The following FBXL7 variants were observed in gnomAD, a reference collection of about 807,000 sequenced individuals.
FBXL7 encodes the protein F-box and leucine rich repeat protein 7, also known as F-box/LRR-repeat protein 7.
A neutral mutation model predicts 38.3 loss-of-function variants in FBXL7; 12 were observed. The observed-to-expected ratio is 0.31, with a 90% CI of 0.20 to 0.51. The LOEUF (loss-of-function observed/expected upper bound fraction) is 0.51. Ranked by LOEUF, FBXL7 falls within the 20% of genes least tolerant of loss-of-function variation. The pLI is 0.98. For synonymous variants in FBXL7, 297 were observed against 300.9 expected (o/e 0.99, Z 0.13); for missense variants, 567 against 676.4 (o/e 0.84, Z 1.79).
intron 2 of FBXL7, among the ~76,000 whole-genome samples, chr5:15,813,561 C>T (rs1311628691): frequency 6.6e-6 from 1 of 151,994 alleles, no homozygotes; most frequent in Admixed American, 6.6e-5. Context: ...GCAACAAAAG[C>T]CAAAATTGAC....
intron 2 of FBXL7, among the ~76,000 whole-genome samples, chr5:15,733,200 T>C (rs1433866725): frequency 6.6e-6 from 1 of 152,088 alleles, no homozygotes; most frequent in African/African-American, 2.4e-5. Flanking sequence ...TTCAATCAAT[T>C]ATCTGCCTCA....
intron 2 of FBXL7, among the ~76,000 whole-genome samples, chr5:15,846,063 G>A (rs1201780348): frequency 1.3e-5 from 2 of 152,258 alleles, no homozygotes; most frequent in Non-Finnish European, 2.9e-5. Context: ...ACTATGGTGT[G>A]TGGATATATC....
intron 2 of FBXL7, among the ~76,000 whole-genome samples, chr5:15,664,484 T>C (rs1167122113): frequency 6.9e-6 from 1 of 145,356 alleles, no homozygotes; most frequent in Non-Finnish European, 1.5e-5. Context: ...TTTTTTTTTT[T>C]TTTTTTTGAG....
chr5:15,551,385 G>A (rs1013767722), intron 1 of FBXL7, among the ~76,000 whole-genome samples: 1 of 152,224 alleles, frequency 6.6e-6, no homozygotes, highest in Non-Finnish European at 1.5e-5. Context: ...CAAAGAATTG[G>A]AACACTGCAT....
chr5:15,927,559 G>A (rs1253394031), intron 2 of FBXL7, among the ~76,000 whole-genome samples: 2 of 152,006 alleles, frequency 1.3e-5, no homozygotes, highest in Non-Finnish European at 2.9e-5. Flanking sequence ...ATGACCTGAG[G>A]TCAGGAGTTC....
At chr5:15,783,773 C>G (rs966294753) in intron 2 of FBXL7, among the ~76,000 whole-genome samples, 15 of 152,022 alleles carry the variant, frequency 9.9e-5, no homozygotes, top group African/African-American at 3.4e-4. Context: ...AGGATGGGTG[C>G]TGGATTATTG....
At chr5:15,576,648 G>A (rs1417780947) in intron 1 of FBXL7, among the ~76,000 whole-genome samples, 4 of 152,218 alleles carry the variant, frequency 2.6e-5, no homozygotes, top group African/African-American at 7.2e-5. Context: ...TTAACTTAAT[G>A]GCTGGTGTGG....
chr5:15,715,599 A>G (rs73755528), intron 2 of FBXL7, among the ~76,000 whole-genome samples: 339 of 151,992 alleles, frequency 2.2e-3, no homozygotes, highest in African/African-American at 7.7e-3. Context: ...CTCTGTCACC[A>G]TTACTCAACT....
intron 1 of FBXL7, chr5:15,580,718 G>C: frequency 1.0e-6 from 1 of 985,386 alleles, no homozygotes; most frequent in Non-Finnish European, 1.2e-6. Context: ...AGGAAGGGAG[G>C]TGGTGAGCCT....
intron 2 of FBXL7, among the ~76,000 whole-genome samples, chr5:15,888,822 A>C (rs567741673): frequency 4.5e-4 from 68 of 152,310 alleles, no homozygotes; most frequent in African/African-American, 1.6e-3. Context: ...AATTTGGTGA[A>C]AACATTTTGG....
chr5:15,502,024 T>C (rs1217222288), intron 1 of FBXL7, among the ~76,000 whole-genome samples: 1 of 151,876 alleles, frequency 6.6e-6, no homozygotes, highest in African/African-American at 2.4e-5. Context: ...TATTGGAGAA[T>C]CTGGGCCACT....
At chr5:15,655,266 C>A (rs369985749) in intron 2 of FBXL7, among the ~76,000 whole-genome samples, 1 of 152,038 alleles carries the variant, frequency 6.6e-6, no homozygotes, top group African/African-American at 2.4e-5. Context: ...GAGGCCGTGG[C>A]GGGTGAATCA....
intron 2 of FBXL7, among the ~76,000 whole-genome samples, chr5:15,673,341 C>G (rs553332875): frequency 3.3e-5 from 5 of 151,510 alleles, no homozygotes; most frequent in Admixed American, 1.3e-4. Context: ...AGAAAAAAAA[C>G]CATTGAAGTT....
intron 2 of FBXL7, among the ~76,000 whole-genome samples, chr5:15,705,310 C>G (rs1183722841): frequency 6.6e-6 from 1 of 152,124 alleles, no homozygotes; most frequent in Non-Finnish European, 1.5e-5. Flanking sequence ...CAGTGCTTGG[C>G]ACGTAAGCAT....
At chr5:15,894,277 A>AAAAC (rs542092222) in intron 2 of FBXL7, among the ~76,000 whole-genome samples, 1 of 152,174 alleles carries the variant, frequency 6.6e-6, no homozygotes, top group South Asian at 2.1e-4. Flanking sequence ...CAAAACAAAC[A>AAAAC]AAACAAACAA....
rs73752331 is a variant in FBXL7 at position 15,858,417 on chromosome 5, G to A, written c.128-69473G>A. 6.1e-3 allele frequency among the ~76,000 whole-genome samples: 925 copies of A among 151,912 alleles called. 17 individuals are homozygous for A. Among genetic ancestry groups the A allele is most frequent in the African/African-American group, 0.021 (876 of 41,424 alleles). On this transcript the variant is annotated intron_variant, in intron 2 of 3. Transcript: ENST00000504595. ...GAGGTTCTTTTGGTATTCATTGGAT[G>A]AAAAAAAGGTTTTCAGAAGAAAGCC...
At chr5:15,780,485 G>A (rs370124336) in intron 2 of FBXL7, among the ~76,000 whole-genome samples, 5 of 152,234 alleles carry the variant, frequency 3.3e-5, no homozygotes, top group South Asian at 2.1e-4. Flanking sequence ...AAAACAATTT[G>A]TTAGGTAAAT....
chr5:15,597,495 TAAAA>T (rs35742221), intron 1 of FBXL7, among the ~76,000 whole-genome samples: 5 of 114,898 alleles, frequency 4.4e-5, no homozygotes, highest in Non-Finnish European at 8.9e-5. Flanking sequence ...TATCATTTTG[TAAAA>T]AAAAAAAAAA....
intron 2 of FBXL7, among the ~76,000 whole-genome samples, chr5:15,783,402 C>T (rs544379344): frequency 4.7e-4 from 72 of 151,992 alleles, no homozygotes; most frequent in Non-Finnish European, 8.8e-4. Flanking sequence ...AAAGGGCTGT[C>T]GAAGGTGACA....
Sources: allele counts gnomAD v4.1 joint callset (sites outside exome capture counted in the v4.1 genomes callset), GRCh38; gene constraint gnomAD v4.1.1; transcripts MANE v1.5; gene names NCBI Gene and HGNC (gene_info 2026-07-23, HGNC 2026-07-21).